PDGFD: variants seen among roughly 807,000 people sequenced by gnomAD.
PDGFD encodes platelet derived growth factor D.
In PDGFD, 30 loss-of-function variants were observed where a neutral mutation model predicts 44.7. The ratio of observed to expected loss-of-function variants is 0.67; its 90% confidence interval spans 0.50 to 0.91. The LOEUF (loss-of-function observed/expected upper bound fraction) is 0.91, where lower values mean the gene tolerates loss of function less well. PDGFD is among the 40% of genes least tolerant of loss of function. PDGFD has a pLI of 0.00. For synonymous variants in PDGFD, 173 were observed against 168.4 expected (o/e 1.03, Z -0.21); for missense variants, 445 against 457.8 (o/e 0.97, Z 0.25).
At chr11:103,983,884 T>C (rs1041817346) in intron 3 of PDGFD, among the ~76,000 whole-genome samples, 3 of 151,698 alleles carry the variant, frequency 2.0e-5, no homozygotes, top group African/African-American at 7.3e-5. Context: ...GAATGGTTAT[T>C]AGTAAAAAGT....
intron 1 of PDGFD, 125 bp from the exon 2 acceptor site, chr11:104,000,380 G>A: frequency 1.2e-6 from 1 of 860,332 alleles, no homozygotes; most frequent in Non-Finnish European, 1.8e-6. Flanking sequence ...AAAACATTAA[G>A]TCTAAATGCA....
intron 6 of PDGFD, among the ~76,000 whole-genome samples, chr11:103,918,694 G>C (rs1286329034): frequency 6.6e-6 from 1 of 152,154 alleles, no homozygotes; most frequent in Non-Finnish European, 1.5e-5. Flanking sequence ...CCTTTTCCCA[G>C]ACAAGACAGG....
chr11:104,109,163 C>A (rs190377303), intron 1 of PDGFD, among the ~76,000 whole-genome samples: 1 of 151,694 alleles, frequency 6.6e-6, no homozygotes, highest in Non-Finnish European at 1.5e-5. Context: ...AACAAACCTG[C>A]ACGATATGCA....
intron 3 of PDGFD, among the ~76,000 whole-genome samples, chr11:103,970,599 G>T (rs577956043): frequency 1.3e-5 from 2 of 152,104 alleles, no homozygotes; most frequent in Middle Eastern, 3.4e-3. Flanking sequence ...TAAGAGGCTG[G>T]GAAAATGACT....
chr11:104,093,133 A>C (rs959756481), intron 1 of PDGFD, among the ~76,000 whole-genome samples: 2 of 152,152 alleles, frequency 1.3e-5, no homozygotes, highest in African/African-American at 2.4e-5. Flanking sequence ...AATGATTTTA[A>C]GTTTCACAAG....
At chr11:103,977,784 T>G (rs928386454) in intron 3 of PDGFD, among the ~76,000 whole-genome samples, 1 of 152,026 alleles carries the variant, frequency 6.6e-6, no homozygotes, top group East Asian at 1.9e-4. Flanking sequence ...TTGCCACTTA[T>G]TATGTATTTG....
chr11:104,123,891 G>A (rs925508255), intron 1 of PDGFD, among the ~76,000 whole-genome samples: 1 of 151,944 alleles, frequency 6.6e-6, no homozygotes, highest in Non-Finnish European at 1.5e-5. Flanking sequence ...GCTTCTAACT[G>A]GCAAAGGCCC....
chr11:104,150,042 T>C lies in PDGFD; in HGVS notation c.124+13762A>G, dbSNP rs150413510. On this transcript the variant is annotated intron_variant, in intron 1 of 6. Transcript: ENST00000393158. ...GCTCTGTGAATGGCAGCTATCATCATGTAATTATCACATCACTTTCAACAC... is the reference window on the plus strand; with the variant it reads ...GCTCTGTGAATGGCAGCTATCATCACGTAATTATCACATCACTTTCAACAC... Among the ~76,000 whole-genome samples the C allele has an allele frequency of 4.6e-5, 7 of 152,298 alleles. No individual in the cohort carries two copies. In the East Asian group the frequency reaches 1.3e-3, roughly 29 times the overall value.
intron 1 of PDGFD, among the ~76,000 whole-genome samples, chr11:104,033,536 G>A (rs1159068089): frequency 3.3e-5 from 5 of 152,066 alleles, no homozygotes. Flanking sequence ...AATATGTTCA[G>A]TATGAAGGCA....
intron 1 of PDGFD, among the ~76,000 whole-genome samples, chr11:104,001,630 A>G (rs926620714): frequency 6.6e-6 from 1 of 152,214 alleles, no homozygotes; most frequent in African/African-American, 2.4e-5. Context: ...TGCATCATAC[A>G]GTGGATCCCC....
At chr11:103,950,840 T>C (rs1858745698) in intron 3 of PDGFD, among the ~76,000 whole-genome samples, 1 of 152,194 alleles carries the variant, frequency 6.6e-6, no homozygotes, top group Non-Finnish European at 1.5e-5. Context: ...GGTGGTTCTA[T>C]GAGGACACCC....
rs148251906 is a variant in PDGFD at position 104,021,586 on chromosome 11, G to A, written c.125-21331C>T. On this transcript the variant is annotated intron_variant, in intron 1 of 6. Transcript: ENST00000393158. ...CCATGAGAAGCACATGTATTGGGTA[G>A]CTTGTTATGCCAAAGATAAAAAACA... 4.8e-3 allele frequency among the ~76,000 whole-genome samples: 731 copies of A among 152,266 alleles called. 7 individuals carry two copies. The highest frequency in any genetic ancestry group is 0.017 in the African/African-American group (695 of 41,542).
rs1857983044 is a variant in PDGFD at position 103,908,873 on chromosome 11, A to C, written c.*821T>G. The C allele has an allele frequency of 6.6e-6, 1 of 152,244 alleles. No individual in the cohort carries two copies. 9.4% of individuals were successfully genotyped at this position (152,244 alleles called of 1,614,324 possible). A position where few individuals can be genotyped will look rare whatever the true frequency, so the allele number is the denominator to read the frequency against. On this transcript the variant is annotated 3_prime_UTR_variant, in exon 7 of 7. Coordinates refer to ENST00000393158, the MANE Select transcript of PDGFD (RefSeq NM_025208.5). ...GCTTTTGTGGAGGGGTTTTGCAAAG[A>C]AAAACAATTCAAAATTCTGTTACAG... is the stretch of plus-strand genomic sequence containing the variant.
chr11:103,946,522 GC>G (rs1018049516), intron 4 of PDGFD: 65 of 152,340 alleles, frequency 4.3e-4, no homozygotes, highest in African/African-American at 1.5e-3. Flanking sequence ...TGTCGAAGGT[GC>G]CTGAGAAGCT....
intron 1 of PDGFD, among the ~76,000 whole-genome samples, chr11:104,092,209 C>T (rs1015286319): frequency 1.3e-5 from 2 of 152,138 alleles, no homozygotes; most frequent in East Asian, 1.9e-4. Flanking sequence ...TTTTCAACTA[C>T]ATCATGTGGT....
chr11:103,932,344 AC>A (rs1858416431), intron 5 of PDGFD, among the ~76,000 whole-genome samples: 1 of 152,176 alleles, frequency 6.6e-6, no homozygotes, highest in Non-Finnish European at 1.5e-5. Flanking sequence ...GATAATACTG[AC>A]CAACTATAGG....
At chr11:103,984,604 T>C (rs1859324774) in intron 3 of PDGFD, among the ~76,000 whole-genome samples, 1 of 151,358 alleles carries the variant, frequency 6.6e-6, no homozygotes, top group Non-Finnish European at 1.5e-5. Context: ...AGTAGTTGTG[T>C]TTAAGTGATG....
chr11:103,987,752 C>T (rs1002565032), intron 3 of PDGFD, among the ~76,000 whole-genome samples: 4 of 152,180 alleles, frequency 2.6e-5, no homozygotes, highest in Non-Finnish European at 4.4e-5. Context: ...ACCTGCAACA[C>T]TCTGAATTAA....
chr11:104,139,570 G>A (rs916114690), intron 1 of PDGFD, among the ~76,000 whole-genome samples: 1 of 152,146 alleles, frequency 6.6e-6, no homozygotes, highest in African/African-American at 2.4e-5. Context: ...AGTAGCTACT[G>A]CTTTCAAGTA....
Sources: allele counts gnomAD v4.1 joint callset (sites outside exome capture counted in the v4.1 genomes callset), GRCh38; gene constraint gnomAD v4.1.1; transcripts MANE v1.5; gene names NCBI Gene and HGNC (gene_info 2026-07-23, HGNC 2026-07-21).